RGS6: variants seen among roughly 807,000 people sequenced by gnomAD.
RGS6 encodes the protein regulator of G-protein signaling 6.
In RGS6, 30 loss-of-function variants were observed where a neutral mutation model predicts 78.5. That is an observed-to-expected ratio of 0.38 (90% CI 0.29 to 0.52). RGS6 has a LOEUF of 0.52. Ranked by LOEUF, RGS6 falls within the 20% of genes least tolerant of loss-of-function variation. The pLI is 0.85. For synonymous variants in RGS6, 206 were observed against 206.0 expected (o/e 1.00, Z 0.00); for missense variants, 495 against 609.7 (o/e 0.81, Z 1.98).
intron 2 of RGS6, among the ~76,000 whole-genome samples, chr14:72,126,017 G>T (rs572398546): frequency 7.2e-5 from 11 of 152,196 alleles, no homozygotes; most frequent in Non-Finnish European, 8.8e-5. Flanking sequence ...TCAACTAGAA[G>T]TAAGCAACTA....
intron 16 of RGS6, among the ~76,000 whole-genome samples, chr14:72,539,225 G>A (rs141405768): frequency 9.2e-4 from 140 of 152,254 alleles, no homozygotes; most frequent in African/African-American, 3.3e-3. Context: ...GCCTCTCCTC[G>A]CTCCTGTTCT....
the RGS6 span, among the ~76,000 whole-genome samples, chr14:71,922,591 T>A: frequency 6.6e-6 from 1 of 152,116 alleles, no homozygotes; most frequent in Non-Finnish European, 1.5e-5. Context: ...ACAATACAGT[T>A]AACTAAACTA....
At chr14:72,575,767 A>G in the RGS6 span, among the ~76,000 whole-genome samples, 7 of 152,258 alleles carry the variant, frequency 4.6e-5, no homozygotes, top group African/African-American at 1.7e-4. Context: ...GTGTCAAAAC[A>G]TCCATAATGT....
intron 2 of RGS6, among the ~76,000 whole-genome samples, chr14:72,076,981 A>G (rs1398659317): frequency 6.7e-6 from 1 of 149,232 alleles, no homozygotes; most frequent in Non-Finnish European, 1.5e-5. Context: ...AATGTTATAT[A>G]TATATAGCCA....
At chr14:72,327,243 C>G (rs1490372920) in intron 2 of RGS6, among the ~76,000 whole-genome samples, 2 of 152,154 alleles carry the variant, frequency 1.3e-5, no homozygotes, top group Admixed American at 1.3e-4. Context: ...TCTGCTACCT[C>G]CAGCTTTGTG....
At chr14:72,218,161 A>G (rs1306640991) in intron 2 of RGS6, among the ~76,000 whole-genome samples, 2 of 152,166 alleles carry the variant, frequency 1.3e-5, no homozygotes, top group African/African-American at 4.8e-5. Context: ...TTTCATTGCC[A>G]TTACAAATGC....
intron 2 of RGS6, among the ~76,000 whole-genome samples, chr14:72,062,870 G>A (rs759692650): frequency 3.9e-5 from 6 of 152,174 alleles, no homozygotes; most frequent in Non-Finnish European, 8.8e-5. Context: ...TCTGTCATCC[G>A]GGCTAGAGTA....
At chr14:72,386,539 AAAT>A (rs1335114983) in intron 3 of RGS6, among the ~76,000 whole-genome samples, 1 of 152,084 alleles carries the variant, frequency 6.6e-6, no homozygotes, top group Non-Finnish European at 1.5e-5. Flanking sequence ...CTCCATCTCA[AAAT>A]AATAATAATA....
At chr14:72,384,933 G>C (rs1172911459) in intron 3 of RGS6, among the ~76,000 whole-genome samples, 1 of 152,022 alleles carries the variant, frequency 6.6e-6, no homozygotes, top group Non-Finnish European at 1.5e-5. Context: ...GTATTTTTTA[G>C]TAGAGATGGG....
At position 72,055,825 on chromosome 14, in the gene RGS6, C is replaced by A. The variant is rs11158940; in HGVS notation, c.84+90950C>A. 2.6e-5 allele frequency among the ~76,000 whole-genome samples: 4 copies of A among 152,082 alleles called. 1 individual carries two copies. The South Asian group carries it at 8.3e-4, about 32-fold the overall frequency. The stretch of plus-strand genomic sequence containing the variant: ...AAAGTTTGCATAATTTTGGAGAATC[C>A]TCTTGCCTCTAATTTCTAGCTCAGC... On this transcript the variant is annotated intron_variant, in intron 2 of 17. Coordinates refer to ENST00000553525, the MANE Select transcript of RGS6 (RefSeq NM_001204424.2).
intron 3 of RGS6, among the ~76,000 whole-genome samples, chr14:72,391,906 T>C (rs2090081598): frequency 6.6e-6 from 1 of 152,240 alleles, no homozygotes. Flanking sequence ...GCTTCATCCA[T>C]GTCCCTGCAA....
At chr14:72,057,101 G>T (rs538001458) in intron 2 of RGS6, among the ~76,000 whole-genome samples, 120 of 152,076 alleles carry the variant, frequency 7.9e-4, no homozygotes, top group Non-Finnish European at 8.8e-5. Flanking sequence ...ATCACTTGAG[G>T]TCAGGAGTTC....
At chr14:71,871,418 T>G in the RGS6 span, among the ~76,000 whole-genome samples, 1 of 152,182 alleles carries the variant, frequency 6.6e-6, no homozygotes, top group Non-Finnish European at 1.5e-5. Context: ...ATTTCCATAT[T>G]CTTTCCTCTC....
At chr14:72,155,720 C>A (rs2096760899) in intron 2 of RGS6, among the ~76,000 whole-genome samples, 1 of 152,248 alleles carries the variant, frequency 6.6e-6, no homozygotes, top group Admixed American at 6.5e-5. Flanking sequence ...TTTAACAACA[C>A]AGTGGCAAAT....
At chr14:72,395,505 T>C (rs1306221505) in intron 3 of RGS6, among the ~76,000 whole-genome samples, 7 of 151,998 alleles carry the variant, frequency 4.6e-5, no homozygotes, top group African/African-American at 1.7e-4. Flanking sequence ...ATTCTGACCC[T>C]CATATAATTT....
chr14:72,314,042 A>G (rs531261343), intron 2 of RGS6, among the ~76,000 whole-genome samples: 2 of 152,336 alleles, frequency 1.3e-5, no homozygotes, highest in African/African-American at 4.8e-5. Flanking sequence ...CAGCATTCAC[A>G]GTATCTGTGG....
the RGS6 span, among the ~76,000 whole-genome samples, chr14:71,879,281 G>A: frequency 6.6e-6 from 1 of 152,324 alleles, no homozygotes; most frequent in African/African-American, 2.4e-5. Flanking sequence ...AATGAAAGAA[G>A]ATTTGGCTGG....
intron 2 of RGS6, among the ~76,000 whole-genome samples, chr14:72,322,593 A>G (rs1595786017): frequency 1.3e-5 from 2 of 152,216 alleles, no homozygotes; most frequent in South Asian, 4.1e-4. Flanking sequence ...CACACAAAAA[A>G]GCAAACTAAG....
intron 2 of RGS6, among the ~76,000 whole-genome samples, chr14:71,993,484 A>G (rs1365525263): frequency 2.0e-5 from 3 of 152,232 alleles, no homozygotes; most frequent in South Asian, 4.1e-4. Context: ...GCTTTATTTT[A>G]TATTATTTCA....
Sources: allele counts gnomAD v4.1 joint callset (sites outside exome capture counted in the v4.1 genomes callset), GRCh38; gene constraint gnomAD v4.1.1; transcripts MANE v1.5; gene names NCBI Gene and HGNC (gene_info 2026-07-23, HGNC 2026-07-21).